Variants in TSPAN11 observed in about 807,000 individuals in gnomAD.
TSPAN11 encodes tetraspanin-11.
In TSPAN11, 29 loss-of-function variants were observed where a neutral mutation model predicts 32.9. The observed-to-expected ratio is 0.88, with a 90% CI of 0.66 to 1.20. The LOEUF (loss-of-function observed/expected upper bound fraction) is 1.20. Among genes scored for constraint, TSPAN11 ranks in the 50% most tolerant of loss-of-function variants. The pLI is 0.00. For synonymous variants in TSPAN11, 140 were observed against 141.3 expected (o/e 0.99, Z 0.07); for missense variants, 283 against 329.1 (o/e 0.86, Z 1.08).
chr12:31,007,680 A>C, the TSPAN11 span, among the ~76,000 whole-genome samples: 1 of 151,470 alleles, frequency 6.6e-6, no homozygotes. Flanking sequence ...TCTGTGGGCC[A>C]GGGCCAGGCC....
chr12:30,999,827 A>C (rs1247722070), downstream of TSPAN11, among the ~76,000 whole-genome samples: 4 of 152,182 alleles, frequency 2.6e-5, no homozygotes, highest in Admixed American at 2.6e-4. Flanking sequence ...ACCACAGGCC[A>C]CTGTGCAGCC....
chr12:31,009,518 T>C, the TSPAN11 span, among the ~76,000 whole-genome samples: 561 of 152,280 alleles, frequency 3.7e-3, 2 homozygotes, highest in African/African-American at 0.013. Context: ...CAGCCAGATA[T>C]GGGCTGTGTG....
chr12:30,981,597 G>A (rs1319744991), intron 5 of TSPAN11, among the ~76,000 whole-genome samples: 1 of 152,138 alleles, frequency 6.6e-6, no homozygotes, highest in Non-Finnish European at 1.5e-5. Flanking sequence ...GACTCCGGGG[G>A]CCCCTGTTCA....
intron 7 of TSPAN11, chr12:30,986,767 C>T (rs191054604): frequency 2.0e-5 from 3 of 152,362 alleles, no homozygotes; most frequent in East Asian, 3.9e-4. Context: ...CAATGCATTC[C>T]TTGTTACCTT....
In TSPAN11 at chr12:30,983,627, A is replaced by T. The variant is rs569428860; in HGVS notation, c.702+477A>T. ...TGTGTGTTTGTGTGTGTGTATAGTCAGTCCTCCATGTCCGTGGGTTCTGCA... is the reference window on the plus strand; with the variant it reads ...TGTGTGTTTGTGTGTGTGTATAGTCTGTCCTCCATGTCCGTGGGTTCTGCA... On this transcript the variant is annotated intron_variant, in intron 7 of 7. Coordinates refer to ENST00000546076, the MANE Select transcript of TSPAN11 (RefSeq NM_001370302.1). 9.2e-5 allele frequency among the ~76,000 whole-genome samples: 14 copies of T among 152,234 alleles called. No homozygotes were observed. The South Asian group carries it at 2.7e-3, about 29-fold the overall frequency.
At chr12:30,941,748 C>G (rs1423277767) in intron 1 of TSPAN11, among the ~76,000 whole-genome samples, 3 of 152,244 alleles carry the variant, frequency 2.0e-5, no homozygotes, top group African/African-American at 7.2e-5. Flanking sequence ...GGTGCTGCCT[C>G]CTGGAACCCC....
rs1221341602 is a variant in TSPAN11 at position 30,975,756 on chromosome 12, C to T, written c.277-2805C>T. On this transcript the variant is annotated intron_variant, in intron 3 of 7. Coordinates refer to ENST00000546076, the MANE Select transcript of TSPAN11 (RefSeq NM_001370302.1). The surrounding 1 kb of genome is among the most constrained non-coding windows in gnomAD (Gnocchi z 4.5). ...TATCCTACGGGCCTGACTCACAGCTCACAGTGGTGGTGGAGAGAAGGAAGG... is the reference window on the plus strand; with the variant it reads ...TATCCTACGGGCCTGACTCACAGCTTACAGTGGTGGTGGAGAGAAGGAAGG... Among the ~76,000 whole-genome samples the T allele has an allele frequency of 6.6e-6, 1 of 151,938 alleles. No homozygotes were observed. Among genetic ancestry groups the T allele is most frequent in the Admixed American group, 6.6e-5 (1 of 15,264 alleles).
At chr12:30,940,581 C>T (rs1489355061) in intron 1 of TSPAN11, among the ~76,000 whole-genome samples, 1 of 152,078 alleles carries the variant, frequency 6.6e-6, no homozygotes, top group African/African-American at 2.4e-5. Flanking sequence ...AAAGAGCCAA[C>T]CTGGGATGTT....
chr12:30,961,567 T>C (rs557063427), intron 2 of TSPAN11, among the ~76,000 whole-genome samples: 13 of 152,098 alleles, frequency 8.5e-5, no homozygotes, highest in African/African-American at 3.1e-4. Context: ...GAGATGACCA[T>C]GTCCCAAGCA....
In TSPAN11 at chr12:30,958,695, A is replaced by G. The variant is rs146967737; in HGVS notation, c.84+4620A>G. Among the ~76,000 whole-genome samples the G allele has an allele frequency of 1.3e-5, 2 of 151,838 alleles. 1 individual carries two copies. The highest frequency in any genetic ancestry group is 4.8e-5 in the African/African-American group (2 of 41,310). On this transcript the variant is annotated intron_variant, in intron 2 of 7. Coordinates refer to ENST00000546076, the MANE Select transcript of TSPAN11 (RefSeq NM_001370302.1). ...TTTGCTCCCCAAACTAGACCCATTCACTTCTCCGTCATAGCAGAAGTCACT... is the reference window on the plus strand; with the variant it reads ...TTTGCTCCCCAAACTAGACCCATTCGCTTCTCCGTCATAGCAGAAGTCACT...
chr12:30,942,223 G>A (rs1373733250), intron 1 of TSPAN11, among the ~76,000 whole-genome samples: 2 of 152,154 alleles, frequency 1.3e-5, no homozygotes, highest in East Asian at 1.9e-4. Flanking sequence ...TGGCACTGAC[G>A]CCATAAAATT....
At chr12:30,959,353 G>T (rs1938563445) in intron 2 of TSPAN11, among the ~76,000 whole-genome samples, 1 of 152,122 alleles carries the variant, frequency 6.6e-6, no homozygotes, top group Non-Finnish European at 1.5e-5. Flanking sequence ...GGGTGTGTAG[G>T]AGTTCAACGG....
Position 30,944,316 on chromosome 12 carries a change from A to G in TSPAN11, c.-11-9665A>G, listed in dbSNP as rs1272148887. On this transcript the variant is annotated intron_variant, in intron 1 of 7. Coordinates refer to ENST00000546076, the MANE Select transcript of TSPAN11 (RefSeq NM_001370302.1). ...TTAACTATAGTTATCATGTTGTACA[A>G]TGGATCTCTTGAACTTATTCCTCTT... 3.9e-5 allele frequency among the ~76,000 whole-genome samples: 6 copies of G among 152,166 alleles called. No individual in the cohort carries two copies. In the East Asian group the frequency reaches 7.7e-4, roughly 20 times the overall value.
intron 5 of TSPAN11, 152 bp from the exon 6 acceptor site, chr12:30,982,380 A>G: frequency 8.5e-7 from 1 of 1,173,296 alleles, no homozygotes; most frequent in Non-Finnish European, 1.2e-6. Flanking sequence ...TGCTCAAAGC[A>G]TGGGAAGGGA....
chr12:31,000,057 T>C (rs922434277), downstream of TSPAN11, among the ~76,000 whole-genome samples: 2 of 152,238 alleles, frequency 1.3e-5, no homozygotes, highest in Non-Finnish European at 2.9e-5. Flanking sequence ...GTCTCATGGC[T>C]GTCATTAAAC....
chr12:30,929,064 C>T (rs763027767), intron 1 of TSPAN11, among the ~76,000 whole-genome samples: 2 of 152,210 alleles, frequency 1.3e-5, no homozygotes, highest in East Asian at 3.8e-4. Context: ...AAGGGAAGAG[C>T]AGGCTCCACT....
intron 1 of TSPAN11, among the ~76,000 whole-genome samples, chr12:30,933,768 G>A (rs1184927024): frequency 6.6e-6 from 1 of 152,178 alleles, no homozygotes; most frequent in Non-Finnish European, 1.5e-5. Context: ...CAGCAGTGTT[G>A]TTGAGGCCCC....
intron 3 of TSPAN11, 66 bp from the exon 4 acceptor site, chr12:30,978,495 T>C (rs1387015810): frequency 3.3e-5 from 51 of 1,526,996 alleles, no homozygotes; most frequent in Non-Finnish European, 4.5e-5. Context: ...CCCACCACTG[T>C]GGGGAAACAT....
At chr12:30,945,752 G>T (rs993340872) in intron 1 of TSPAN11, among the ~76,000 whole-genome samples, 2 of 152,128 alleles carry the variant, frequency 1.3e-5, no homozygotes, top group Non-Finnish European at 2.9e-5. Context: ...ATCCGGCCCT[G>T]AAGAAAGTCG....
Sources: gnomAD v4.1 joint callset for allele counts (sites outside exome capture counted in the v4.1 genomes callset) on GRCh38, gnomAD v4.1.1 for gene constraint, Gnocchi (gnomAD v3.1) non-coding constraint, MANE v1.5 for transcripts, NCBI Gene and HGNC (gene_info 2026-07-23, HGNC 2026-07-21) for gene names.